Variants in KIFAP3 observed in about 807,000 individuals in gnomAD.
KIFAP3 encodes the protein kinesin-associated protein 3.
A neutral mutation model predicts 106.5 loss-of-function variants in KIFAP3; 68 were observed. The ratio of observed to expected loss-of-function variants is 0.64; its 90% CI spans 0.53 to 0.78. The LOEUF is 0.78. Ranked by LOEUF, KIFAP3 falls within the 30% of genes least tolerant of loss-of-function variation. The pLI, the probability that KIFAP3 is intolerant of heterozygous loss-of-function variation, is 0.00. For missense variants in KIFAP3, 780 were observed against 941.8 expected, an observed-to-expected ratio of 0.83 and a Z score of 2.25; for synonymous variants, 320 against 311.5, an observed-to-expected ratio of 1.03 and a Z score of -0.29.
intron 15 of KIFAP3, among the ~76,000 whole-genome samples, chr1:169,980,878 G>T (rs1666480971): frequency 6.6e-6 from 1 of 152,138 alleles, no homozygotes; most frequent in African/African-American, 2.4e-5. Context: ...GAGGTGGGCG[G>T]ATCACCTGAG....
chr1:170,011,942 T>C (rs1183613835), intron 10 of KIFAP3, among the ~76,000 whole-genome samples: 2 of 152,124 alleles, frequency 1.3e-5, no homozygotes, highest in Non-Finnish European at 2.9e-5. Flanking sequence ...CTAAATGCAA[T>C]TTCTTTGAAC....
intron 18 of KIFAP3, among the ~76,000 whole-genome samples, chr1:169,954,858 C>T (rs1237925213): frequency 6.6e-6 from 1 of 152,108 alleles, no homozygotes; most frequent in Non-Finnish European, 1.5e-5. Flanking sequence ...TTATAAAGTG[C>T]TTCTTTCCCT....
chr1:169,922,636 G>A (rs189448005), intron 19 of KIFAP3, among the ~76,000 whole-genome samples: 1 of 152,276 alleles, frequency 6.6e-6, no homozygotes, highest in Non-Finnish European at 1.5e-5. Flanking sequence ...TTAGGAAAAT[G>A]ATAAAGTATT....
chr1:170,021,460 G>C (rs1456479235), intron 9 of KIFAP3, among the ~76,000 whole-genome samples: 1 of 109,972 alleles, frequency 9.1e-6, no homozygotes, highest in African/African-American at 3.3e-5. Context: ...TTTTTTTTGA[G>C]ATGAGGTCTC....
At chr1:170,043,295 A>T (rs1439845165) in intron 3 of KIFAP3, among the ~76,000 whole-genome samples, 1 of 152,206 alleles carries the variant, frequency 6.6e-6, no homozygotes, top group Non-Finnish European at 1.5e-5. Flanking sequence ...CCCACTGCTC[A>T]CTATTAAACA....
intron 19 of KIFAP3, among the ~76,000 whole-genome samples, chr1:169,930,412 TTTTTATG>T (rs1663398544): frequency 6.6e-6 from 1 of 152,244 alleles, no homozygotes; most frequent in Admixed American, 6.5e-5. Flanking sequence ...ATGATGGTCC[TTTTTATG>T]TTTTCATTGA....
chr1:170,025,585 G>A (rs1439650115), intron 8 of KIFAP3, among the ~76,000 whole-genome samples: 1 of 152,124 alleles, frequency 6.6e-6, no homozygotes, highest in Non-Finnish European at 1.5e-5. Context: ...CAGGCCTGTT[G>A]ATGTATAAAG....
chr1:170,050,488 G>C (rs1670519909), intron 2 of KIFAP3, among the ~76,000 whole-genome samples: 1 of 152,124 alleles, frequency 6.6e-6, no homozygotes, highest in African/African-American at 2.4e-5. Flanking sequence ...AGGAAATACA[G>C]AGAACACCAC....
chr1:170,035,627 C>G (rs1025965061), intron 5 of KIFAP3, 74 bp from the exon 6 acceptor site: 3 of 868,600 alleles, frequency 3.5e-6, no homozygotes, highest in Non-Finnish European at 5.3e-6. Flanking sequence ...TTTTAAATGT[C>G]TAGTTATTAA....
chr1:169,983,003 GC>G (rs746172662), intron 13 of KIFAP3, 136 bp from the exon 14 acceptor site: 963 of 607,078 alleles, frequency 1.6e-3, no homozygotes, highest in Middle Eastern at 1.9e-3. Flanking sequence ...ATAATCTTGA[GC>G]TAAATTGCTA....
At chr1:169,956,063 C>T (rs1047862155) in intron 18 of KIFAP3, among the ~76,000 whole-genome samples, 8 of 151,920 alleles carry the variant, frequency 5.3e-5, no homozygotes, top group African/African-American at 1.9e-4. Context: ...ACAAAACTAA[C>T]AAAAATCAAC....
intron 9 of KIFAP3, among the ~76,000 whole-genome samples, chr1:170,019,277 C>T (rs1431098896): frequency 6.6e-6 from 1 of 152,064 alleles, no homozygotes; most frequent in Non-Finnish European, 1.5e-5. Context: ...ACCAATTCTA[C>T]ACAAATCCTT....
At chr1:169,921,820 A>G in intron 19 of KIFAP3, 39 bp from the exon 20 acceptor site, 1 of 1,441,804 alleles carries the variant, frequency 6.9e-7, no homozygotes, top group Non-Finnish European at 9.7e-7. Flanking sequence ...TATGTTTTTC[A>G]TCACACATCC....
intron 3 of KIFAP3, among the ~76,000 whole-genome samples, chr1:170,044,764 AC>A (rs1487373095): frequency 1.3e-5 from 2 of 152,190 alleles, no homozygotes; most frequent in Non-Finnish European, 2.9e-5. Context: ...GCAGGATTCT[AC>A]AGTGCCCATT....
intron 17 of KIFAP3, among the ~76,000 whole-genome samples, chr1:169,966,296 T>C (rs1245601385): frequency 6.6e-6 from 1 of 151,758 alleles, no homozygotes; most frequent in Non-Finnish European, 1.5e-5. Flanking sequence ...TATACCAAAC[T>C]GTGTATTTAG....
At chr1:169,987,681 A>G (rs191444262) in intron 11 of KIFAP3, among the ~76,000 whole-genome samples, 13 of 152,214 alleles carry the variant, frequency 8.5e-5, no homozygotes, top group African/African-American at 2.9e-4. Context: ...AGGGGGCCAT[A>G]TAGGACAACT....
intron 9 of KIFAP3, among the ~76,000 whole-genome samples, chr1:170,019,715 C>T (rs1668710231): frequency 6.6e-6 from 1 of 151,958 alleles, no homozygotes; most frequent in South Asian, 2.1e-4. Flanking sequence ...TCTAAAAAAC[C>T]CCACTGTTAA....
intron 10 of KIFAP3, among the ~76,000 whole-genome samples, chr1:170,013,482 T>C (rs73037108): frequency 1.3e-4 from 15 of 119,074 alleles, no homozygotes; most frequent in East Asian, 4.6e-4. Context: ...GACATACATA[T>C]ATATATATAT....
intron 15 of KIFAP3, among the ~76,000 whole-genome samples, chr1:169,981,711 G>A (rs537806706): frequency 6.6e-6 from 1 of 152,230 alleles, no homozygotes; most frequent in South Asian, 2.1e-4. Flanking sequence ...GTTCAAGGTT[G>A]GTGAGGAGAG....
Sources: allele counts gnomAD v4.1 joint callset (sites outside exome capture counted in the v4.1 genomes callset), GRCh38; gene constraint gnomAD v4.1.1; transcripts MANE v1.5; gene names NCBI Gene and HGNC (gene_info 2026-07-23, HGNC 2026-07-21).